Variants in TRIM13 observed in about 807,000 individuals in gnomAD.
TRIM13 encodes the protein tripartite motif containing 13.
Under a neutral mutation model 27.1 loss-of-function variants are expected in TRIM13, and 15 were observed. The ratio of observed to expected loss-of-function variants is 0.55; its 90% CI spans 0.37 to 0.85. TRIM13 has a LOEUF of 0.85. TRIM13 is among the 40% of genes least tolerant of loss of function. TRIM13 has a pLI of 0.00. For missense variants in TRIM13, 402 were observed against 472.2 expected (o/e 0.85, Z 1.38); for synonymous variants, 193 against 171.5 (o/e 1.13, Z -0.98).
At chr13:50,009,841 C>G (rs979570683) in intron 1 of TRIM13, among the ~76,000 whole-genome samples, 4 of 151,466 alleles carry the variant, frequency 2.6e-5, no homozygotes, top group Non-Finnish European at 5.9e-5. Context: ...TTGGGAGGAT[C>G]TCACTTGAGC....
Position 49,999,146 on chromosome 13 carries a change from G to T in TRIM13, c.-7+1383G>T, listed in dbSNP as rs115997351. On this transcript the variant is annotated intron_variant, in intron 1 of 1. Transcript: ENST00000378182. ...CCCTTTTCCTTGTCACCCTATGTGG[G>T]CGTCTTGGCGATCACTAGGTAAAAC... 3.5e-3 allele frequency among the ~76,000 whole-genome samples: 532 copies of T among 151,576 alleles called. 4 individuals are homozygous for T. Among genetic ancestry groups the T allele is most frequent in the African/African-American group, 0.013 (522 of 41,388 alleles).
rs1212486876 is a variant in TRIM13, at chr13:50,015,227, A to G, written c.*2063A>G. The G allele has an allele frequency of 3.8e-6, 1 of 260,752 alleles. No individual in the cohort carries two copies. The highest frequency in any genetic ancestry group is 7.6e-6 in the Non-Finnish European group (1 of 131,186). The allele number at this position is 260,752 out of a possible 1,614,324, so 16.2% of individuals were successfully genotyped here. ...ATCTATTTGATGTCTATCTTCAGAT[A>G]TATTGGCAGTTTTCCTTAAGCTATT... On this transcript the variant is annotated 3_prime_UTR_variant, in exon 2 of 2. Coordinates refer to ENST00000378182, the MANE Select transcript of TRIM13 (RefSeq NM_213590.3).
In TRIM13 at chr13:50,015,093, AAATATATATATATATATAT is replaced by A. The variant is rs1449094843; in HGVS notation, c.*1931_*1949del. On this transcript the variant is annotated 3_prime_UTR_variant, in exon 2 of 2. Transcript: ENST00000378182. ...CCAGTAATAAAAAAAAAAAAAAAAAAAATATATATATATATATATATATATATATATATATATATATATA... is the reference window on the plus strand; with the variant it reads ...CCAGTAATAAAAAAAAAAAAAAAAAAATATATATATATATATATATATATA... The A allele has an allele frequency of 4.9e-4, 7 of 14,206 alleles. No homozygotes were observed. The highest frequency in any genetic ancestry group is 5.4e-3 in the South Asian group (2 of 368). The allele number at this position is 14,206 out of a possible 1,614,324, so 0.9% of individuals were successfully genotyped here.
Position 49,997,686 on chromosome 13 carries a change from C to T in TRIM13, c.-84C>T, listed in dbSNP as rs1385247745. On this transcript the variant is annotated 5_prime_UTR_variant, in exon 1 of 2. Transcript: ENST00000378182. ...TTGCAGTAGCCTCTAGTTCGTTAGT[C>T]AAAACGTGAAAAAAAAGACCTGCTT... 2 of 151,894 alleles carry T rather than the reference C, an allele frequency of 1.3e-5. No homozygotes were observed. Among genetic ancestry groups the T allele is most frequent in the East Asian group, 1.9e-4 (1 of 5,196 alleles). 9.4% of individuals were successfully genotyped at this position (151,894 alleles called of 1,614,324 possible).
intron 1 of TRIM13, among the ~76,000 whole-genome samples, chr13:50,007,315 C>G (rs1458539704): frequency 1.3e-5 from 2 of 151,272 alleles, no homozygotes; most frequent in African/African-American, 2.4e-5. Context: ...ATGGTGAAAC[C>G]CCGTGTCTAT....
chr13:50,016,172 A>T lies in TRIM13; in HGVS notation c.*3008A>T, dbSNP rs1335875167. ...CCTGTAACTTCTGGAAAAGATGATT[A>T]TTCAAAATAATGTTTTGGGGTAACC... On this transcript the variant is annotated 3_prime_UTR_variant, in exon 2 of 2. Coordinates refer to ENST00000378182, the MANE Select transcript of TRIM13 (RefSeq NM_213590.3). 2.5e-6 allele frequency: 2 copies of T among 815,028 alleles called. No homozygotes were observed. The highest frequency in any genetic ancestry group is 3.9e-6 in the Non-Finnish European group (2 of 515,238). 50.5% of individuals were successfully genotyped at this position (815,028 alleles called of 1,614,324 possible). A position where few individuals can be genotyped will look rare whatever the true frequency, so the allele number is the denominator to read the frequency against.
intron 1 of TRIM13, among the ~76,000 whole-genome samples, chr13:50,005,166 T>C (rs1359256318): frequency 1.3e-5 from 2 of 152,148 alleles, no homozygotes; most frequent in African/African-American, 2.4e-5. Context: ...GCTGGGTTGA[T>C]TACTTCAGAT....
chr13:50,010,606 A>T (rs144285525), intron 1 of TRIM13, among the ~76,000 whole-genome samples: 8 of 152,278 alleles, frequency 5.3e-5, no homozygotes, highest in Admixed American at 2.0e-4. Flanking sequence ...CATTAATATC[A>T]CTGCCCATCT....
Position 50,012,730 on chromosome 13 carries a change from G to A in TRIM13, c.790G>A (p.Glu264Lys), listed in dbSNP as rs372834596. ...TAGAGAGAAAATCAAAGTAATCAAG[G>A]AAACTCCTTTACCTCCCTCTAATTT... ...EFREKIKVIK[E>K]TPLPPSNLPA... Residue 264 changes from glutamate (E) to lysine (K), a missense_variant, in exon 2 of 2, where the codon GAA (glutamate) becomes AAA (lysine). Physicochemically the swap from Glu to Lys is moderately conservative, Grantham distance 56 (BLOSUM62 1). Coordinates refer to ENST00000378182, the MANE Select transcript of TRIM13 (RefSeq NM_213590.3). The A allele has an allele frequency of 6.2e-7, 1 of 1,613,946 alleles. No individual in the cohort carries two copies. Among genetic ancestry groups the A allele is most frequent in the Non-Finnish European group, 8.5e-7 (1 of 1,180,010 alleles).
At chr13:50,005,272 C>A (rs1874541916) in intron 1 of TRIM13, among the ~76,000 whole-genome samples, 1 of 152,050 alleles carries the variant, frequency 6.6e-6, no homozygotes, top group African/African-American at 2.4e-5. Flanking sequence ...AATTATCCTT[C>A]AAAACTTTGG....
Position 50,012,687 on chromosome 13 carries a change from G to GC in TRIM13, c.748dup (p.Gln250ProfsTer7). On this transcript the variant is annotated frameshift_variant, in exon 2 of 2. Transcript: ENST00000378182. LOFTEE classifies it high-confidence loss of function. ...ATGTGTCAGAACCCATTGTATTTCT[G>GC]CAACAGATGCAGGAGTTTAGAGAGA... The GC allele has an allele frequency of 6.2e-7, 1 of 1,614,090 alleles. No individual in the cohort carries two copies. The highest frequency in any genetic ancestry group is 2.2e-5 in the East Asian group (1 of 44,882).
rs1386520688 is a variant in TRIM13, at chr13:50,015,851, C to CA, written c.*2689dup. 5.0e-6 allele frequency: 8 copies of CA among 1,614,114 alleles called. No homozygotes were observed. The African/African-American group carries it at 1.1e-4, about 22-fold the overall frequency. ...GGTACATTTCCTAAGCCGGAACACT[C>CA]AAGCTTTTTTCAGGGTGTTTGGCTC... On this transcript the variant is annotated 3_prime_UTR_variant, in exon 2 of 2. Coordinates refer to ENST00000378182, the MANE Select transcript of TRIM13 (RefSeq NM_213590.3).
At position 50,016,222 on chromosome 13, in the gene TRIM13, ATAAT is replaced by A. The variant is rs1169772014; in HGVS notation, c.*3061_*3064del. The stretch of plus-strand genomic sequence containing the variant: ...CAGTGGAGTTGGGTAGAATGACCAA[ATAAT>A]TATTTTCCAAACTGGGATACTTTTT... On this transcript the variant is annotated 3_prime_UTR_variant, in exon 2 of 2. Coordinates refer to ENST00000378182, the MANE Select transcript of TRIM13 (RefSeq NM_213590.3). The A allele has an allele frequency of 4.9e-6, 3 of 612,782 alleles. No individual in the cohort carries two copies. The highest frequency in any genetic ancestry group is 8.7e-6 in the Non-Finnish European group (3 of 346,524). 38.0% of individuals were successfully genotyped at this position (612,782 alleles called of 1,614,324 possible).
rs1876300387 is a variant in TRIM13, at chr13:50,015,094, A to ATAT, written c.*1930_*1931insTAT. 1.8e-4 allele frequency: 3 copies of ATAT among 16,846 alleles called. No individual in the cohort carries two copies. The highest frequency in any genetic ancestry group is 3.7e-4 in the Non-Finnish European group (3 of 8,206). 1.0% of individuals were successfully genotyped at this position (16,846 alleles called of 1,614,324 possible). Reference sequence around the variant, plus strand: ...CAGTAATAAAAAAAAAAAAAAAAAAAATATATATATATATATATATATATA... The same window carrying ATAT: ...CAGTAATAAAAAAAAAAAAAAAAAAATATATATATATATATATATATATATATA... On this transcript the variant is annotated 3_prime_UTR_variant, in exon 2 of 2. Transcript: ENST00000378182.
In TRIM13 at chr13:50,013,439, A is replaced by G. The variant is rs575974369; in HGVS notation, c.*275A>G. On this transcript the variant is annotated 3_prime_UTR_variant, in exon 2 of 2. Coordinates refer to ENST00000378182, the MANE Select transcript of TRIM13 (RefSeq NM_213590.3). ...ATGCTGTGATAAAAATAGGTGAGAG[A>G]TCATATGATCTAATATTGTATTGAT... is the stretch of plus-strand genomic sequence containing the variant. 124 of 284,154 alleles carry G rather than the reference A, an allele frequency of 4.4e-4. No homozygotes were observed. Among genetic ancestry groups the G allele is most frequent in the African/African-American group, 2.6e-3 (118 of 44,662 alleles). The allele number at this position is 284,154 out of a possible 1,614,324, so 17.6% of individuals were successfully genotyped here.
Position 50,014,344 on chromosome 13 carries a change from A to AAAAAAAAAAG in TRIM13, c.*1181_*1182insAAAAAAAAGA, listed in dbSNP as rs1555325057. On this transcript the variant is annotated 3_prime_UTR_variant, in exon 2 of 2. Coordinates refer to ENST00000378182, the MANE Select transcript of TRIM13 (RefSeq NM_213590.3). ...AAAAAAAAAAAAAAAAAAAAAAAAA[A>AAAAAAAAAAG]ATATATATATATATATACACACACA... 5.1e-5 allele frequency: 1 copy of AAAAAAAAAAG among 19,718 alleles called. No individual in the cohort carries two copies. The highest frequency in any genetic ancestry group is 8.3e-5 in the Non-Finnish European group (1 of 12,100). 1.2% of individuals were successfully genotyped at this position (19,718 alleles called of 1,614,324 possible). A position where few individuals can be genotyped will look rare whatever the true frequency, so the allele number is the denominator to read the frequency against.
rs1181008021 is a variant in TRIM13, at chr13:50,014,386, CATACAT to C, written c.*1226_*1231del. ...ACACACACACACACACATATGTACACATACATATATATACATATATATGTATATATA... is the reference window on the plus strand; with the variant it reads ...ACACACACACACACACATATGTACACATATATACATATATATGTATATATA... On this transcript the variant is annotated 3_prime_UTR_variant, in exon 2 of 2. Transcript: ENST00000378182. 1.5e-5 allele frequency: 2 copies of C among 130,400 alleles called. No individual in the cohort carries two copies. Among genetic ancestry groups the C allele is most frequent in the African/African-American group, 6.4e-5 (2 of 31,118 alleles). The allele number at this position is 130,400 out of a possible 1,614,324, so 8.1% of individuals were successfully genotyped here. A position where few individuals can be genotyped will look rare whatever the true frequency, so the allele number is the denominator to read the frequency against.
chr13:50,000,157 G>A (rs1389762216), intron 1 of TRIM13, among the ~76,000 whole-genome samples: 1 of 152,110 alleles, frequency 6.6e-6, no homozygotes, highest in Non-Finnish European at 1.5e-5. Context: ...TTAAACTCGG[G>A]TAGGTATGGT....
intron 1 of TRIM13, among the ~76,000 whole-genome samples, chr13:50,009,743 A>AC (rs944770088): frequency 3.1e-5 from 4 of 128,022 alleles, no homozygotes; most frequent in Non-Finnish European, 7.1e-5. Context: ...TCTCAAAAAA[A>AC]AAAAAAAAAA....
Sources: allele counts gnomAD v4.1 joint callset (sites outside exome capture counted in the v4.1 genomes callset), GRCh38; gene constraint gnomAD v4.1.1; transcripts MANE v1.5; gene names NCBI Gene and HGNC (gene_info 2026-07-23, HGNC 2026-07-21).